NGLY1: variants seen among roughly 807,000 people sequenced by gnomAD.
NGLY1 encodes the protein N-glycanase 1.
NGLY1 carries 68 observed loss-of-function variants against 84.6 expected under a neutral mutation model. The observed-to-expected ratio is 0.80, with a 90% CI of 0.66 to 0.98. The LOEUF (loss-of-function observed/expected upper bound fraction) is 0.98. NGLY1 is among the 50% of genes least tolerant of loss of function. NGLY1 has a pLI of 0.00. For missense variants in NGLY1, 779 were observed against 770.2 expected (o/e 1.01, Z -0.14); for synonymous variants, 280 against 275.2 (o/e 1.02, Z -0.17).
chr3:25,725,113 CAAG>C (rs1272492884), intron 10 of NGLY1, among the ~76,000 whole-genome samples: 1 of 152,142 alleles, frequency 6.6e-6, no homozygotes, highest in Non-Finnish European at 1.5e-5. Flanking sequence ...ACAGAGAGAC[CAAG>C]AAGAATCTGA....
At chr3:25,721,988 CAGTCGGATCACTTGAGGTTAGG>C (rs1399441357) in intron 10 of NGLY1, among the ~76,000 whole-genome samples, 3 of 151,920 alleles carry the variant, frequency 2.0e-5, no homozygotes, top group East Asian at 3.9e-4. Context: ...GAGGCTGAGG[CAGTCGGATCACTTGAGGTTAGG>C]TGTTCAAGAC....
intron 4 of NGLY1, among the ~76,000 whole-genome samples, chr3:25,747,467 T>A (rs1706495287): frequency 1.3e-5 from 2 of 152,222 alleles, no homozygotes; most frequent in African/African-American, 4.8e-5. Context: ...AATGGCATAG[T>A]GTAATATTTT....
At position 25,733,865 on chromosome 3, in the gene NGLY1, A is replaced by G. The variant is rs6550987; in HGVS notation, c.1260+7T>C. 1 of 1,603,790 alleles carries G rather than the reference A, an allele frequency of 6.2e-7. No individual in the cohort carries two copies. The highest frequency in any genetic ancestry group is 8.5e-7 in the Non-Finnish European group (1 of 1,172,956). On this transcript the variant is annotated splice_region_variant and intron_variant, in intron 8 of 11. Transcript: ENST00000280700. The stretch of plus-strand genomic sequence containing the variant: ...CTGTTCTTTCAAAAAAGATAGCCAC[A>G]CCATACCTGCTTATTAAGCCCATTA...
At chr3:25,776,528 C>T (rs1708162616) in intron 2 of NGLY1, among the ~76,000 whole-genome samples, 1 of 152,204 alleles carries the variant, frequency 6.6e-6, no homozygotes, top group Non-Finnish European at 1.5e-5. Flanking sequence ...TGCCTAATCT[C>T]TCCTTTGGGG....
chr3:25,759,638 A>G (rs1229722302), intron 3 of NGLY1, among the ~76,000 whole-genome samples: 3 of 152,196 alleles, frequency 2.0e-5, no homozygotes, highest in South Asian at 4.1e-4. Context: ...CATGGTGATT[A>G]CAGCAGCTGG....
At chr3:25,749,570 AT>A in intron 4 of NGLY1, 2 of 1,537,806 alleles carry the variant, frequency 1.3e-6, no homozygotes, top group Non-Finnish European at 1.8e-6. Context: ...TCTGACTGAT[AT>A]GTCAAAAATT....
intron 2 of NGLY1, among the ~76,000 whole-genome samples, chr3:25,771,274 T>C (rs2125306113): frequency 6.6e-6 from 1 of 152,350 alleles, no homozygotes; most frequent in East Asian, 1.9e-4. Flanking sequence ...GCTTACCAAT[T>C]ATCCTAGCAC....
intron 3 of NGLY1, chr3:25,754,787 GCTT>G (rs1706946089): frequency 1.1e-5 from 3 of 272,416 alleles, no homozygotes; most frequent in East Asian, 8.2e-5. Flanking sequence ...GATGACTCGT[GCTT>G]TTTTTTTTTT....
At chr3:25,723,347 C>T (rs1361473594) in intron 10 of NGLY1, among the ~76,000 whole-genome samples, 3 of 152,122 alleles carry the variant, frequency 2.0e-5, no homozygotes, top group Admixed American at 6.5e-5. Context: ...AATGTTTAAA[C>T]ATTCAAACAT....
At chr3:25,752,728 C>G (rs367862783) in intron 3 of NGLY1, among the ~76,000 whole-genome samples, 1 of 151,640 alleles carries the variant, frequency 6.6e-6, no homozygotes, top group Non-Finnish European at 1.5e-5. Flanking sequence ...GTGGGTAGAT[C>G]GTTTGAGCCC....
At chr3:25,766,985 T>A (rs1475991536) in intron 2 of NGLY1, among the ~76,000 whole-genome samples, 1 of 152,156 alleles carries the variant, frequency 6.6e-6, no homozygotes, top group Non-Finnish European at 1.5e-5. Flanking sequence ...GCACTAGATT[T>A]AATAATATTT....
chr3:25,786,493 C>T (rs1483210409), upstream of NGLY1, among the ~76,000 whole-genome samples: 1 of 151,976 alleles, frequency 6.6e-6, no homozygotes, highest in Non-Finnish European at 1.5e-5. Flanking sequence ...TTTGAAACAA[C>T]GATGGGTATA....
chr3:25,759,385 T>C (rs141023650), intron 3 of NGLY1, among the ~76,000 whole-genome samples: 53 of 152,216 alleles, frequency 3.5e-4, no homozygotes, highest in African/African-American at 1.0e-3. Context: ...GAAGCACTTA[T>C]AGTGTCTCAT....
rs1060499777 is a variant in NGLY1, at chr3:25,764,244, A to G, written c.314T>C (p.Ile105Thr). The G allele has an allele frequency of 5.6e-6, 9 of 1,614,032 alleles. No homozygotes were observed. The highest frequency in any genetic ancestry group is 7.6e-6 in the Non-Finnish European group (9 of 1,180,040). ...CAGTCTGCTACTTCTCTCTATGGCA[A>G]TCAGGTCACGAATTTTTTGCAGCTG... ...VEQLQKIRDL[I>T]AIERSSRLDG... The change falls in exon 3 of 12, where the codon ATT (isoleucine) becomes ACT (threonine). Residue 105 changes from isoleucine (I) to threonine (T), a missense_variant. Ile to Thr is a moderately conservative substitution (Grantham distance 89, BLOSUM62 -1). Transcript: ENST00000280700.
At chr3:25,719,945 A>T in intron 11 of NGLY1, 69 bp downstream of exon 11, 1 of 1,364,514 alleles carries the variant, frequency 7.3e-7, no homozygotes, top group South Asian at 1.5e-5. Flanking sequence ...CTACATCTCA[A>T]ATAAGTACAA....
chr3:25,722,268 T>TAC (rs1235251892), intron 10 of NGLY1, among the ~76,000 whole-genome samples: 16 of 66,844 alleles, frequency 2.4e-4, no homozygotes, highest in Admixed American at 5.0e-4. Context: ...AAGATCTGTA[T>TAC]ACACACATAT....
chr3:25,778,340 T>A (rs1330869039), intron 2 of NGLY1: 1 of 334,752 alleles, frequency 3.0e-6, no homozygotes, highest in Non-Finnish European at 5.5e-6. Flanking sequence ...ACCCTTATTT[T>A]AAAGAACTGA....
At position 25,719,015 on chromosome 3, in the gene NGLY1, A is replaced by G. The variant is rs1348097054; in HGVS notation, c.*445T>C. 6.6e-6 allele frequency: 1 copy of G among 152,358 alleles called. No individual in the cohort carries two copies. The allele number at this position is 152,358 out of a possible 1,614,324, so 9.4% of individuals were successfully genotyped here. On this transcript the variant is annotated 3_prime_UTR_variant, in exon 12 of 12. Transcript: ENST00000280700. ...AATCATATAAATTTTCATGCATTATATAATTTATGAGCTACTGTACTTTCA... is the reference window on the plus strand; with the variant it reads ...AATCATATAAATTTTCATGCATTATGTAATTTATGAGCTACTGTACTTTCA...
chr3:25,780,993 G>A (rs1475181739), intron 1 of NGLY1, among the ~76,000 whole-genome samples: 1 of 148,024 alleles, frequency 6.8e-6, no homozygotes, highest in Non-Finnish European at 1.5e-5. Flanking sequence ...TTTCTTTTTT[G>A]AGAAAGGTCT....
Sources: allele counts gnomAD v4.1 joint callset (sites outside exome capture counted in the v4.1 genomes callset), GRCh38; gene constraint gnomAD v4.1.1; transcripts MANE v1.5; gene names NCBI Gene and HGNC (gene_info 2026-07-23, HGNC 2026-07-21).